Variants in PTPRR observed in about 807,000 individuals in gnomAD.
PTPRR encodes receptor-type tyrosine-protein phosphatase R.
A neutral mutation model predicts 77.2 loss-of-function variants in PTPRR; 38 were observed. The observed-to-expected ratio is 0.49, with a 90% CI of 0.38 to 0.65. The LOEUF (loss-of-function observed/expected upper bound fraction) is 0.65, where lower values mean the gene tolerates loss of function less well. Ranked by LOEUF, PTPRR falls within the 30% of genes least tolerant of loss-of-function variation. The probability of loss-of-function intolerance (pLI) is 0.00; values close to 1 mark genes in which losing one functional copy is unlikely to be tolerated. For synonymous variants in PTPRR, 299 were observed against 283.1 expected, an observed-to-expected ratio of 1.06 and a Z score of -0.57; for missense variants, 744 against 799.2, an observed-to-expected ratio of 0.93 and a Z score of 0.83.
chr12:70,639,323 C>G (rs768970323), intron 13 of PTPRR, 46 bp from the exon 14 acceptor site: 3 of 1,587,548 alleles, frequency 1.9e-6, no homozygotes, highest in Non-Finnish European at 2.6e-6. Flanking sequence ...TAAAATCTTG[C>G]AATTTCAAGT....
At chr12:70,766,943 A>T (rs1042978708) in intron 2 of PTPRR, among the ~76,000 whole-genome samples, 3 of 152,254 alleles carry the variant, frequency 2.0e-5, no homozygotes, top group African/African-American at 7.2e-5. Flanking sequence ...GAAATAAAAT[A>T]CTTTACAGAC....
chr12:70,882,345 G>A (rs1893163540), intron 2 of PTPRR, among the ~76,000 whole-genome samples: 1 of 152,050 alleles, frequency 6.6e-6, no homozygotes, highest in Non-Finnish European at 1.5e-5. Flanking sequence ...AGGAGTGATG[G>A]TCAGAATCTG....
intron 1 of PTPRR, among the ~76,000 whole-genome samples, chr12:70,894,302 T>C (rs1421681162): frequency 6.6e-6 from 1 of 151,840 alleles, no homozygotes; most frequent in Non-Finnish European, 1.5e-5. Flanking sequence ...AGAATTATCA[T>C]GGCAGATCTA....
intron 2 of PTPRR, among the ~76,000 whole-genome samples, chr12:70,866,240 C>A (rs1892843467): frequency 6.6e-6 from 1 of 152,062 alleles, no homozygotes; most frequent in Non-Finnish European, 1.5e-5. Flanking sequence ...ATTAATGAAT[C>A]CAGGAGGTGG....
chr12:70,698,705 C>T (rs1374274066), intron 7 of PTPRR, among the ~76,000 whole-genome samples: 1 of 152,060 alleles, frequency 6.6e-6, no homozygotes, highest in African/African-American at 2.4e-5. Flanking sequence ...AAATATATTC[C>T]AGTTTTTACA....
At chr12:70,884,177 T>C (rs1893196569) in intron 2 of PTPRR, among the ~76,000 whole-genome samples, 1 of 152,226 alleles carries the variant, frequency 6.6e-6, no homozygotes, top group Admixed American at 6.5e-5. Context: ...ACGTTGCTTC[T>C]ACCACCTGAG....
intron 2 of PTPRR, among the ~76,000 whole-genome samples, chr12:70,877,249 T>C (rs1158208657): frequency 6.6e-6 from 1 of 152,108 alleles, no homozygotes; most frequent in Non-Finnish European, 1.5e-5. Flanking sequence ...TAAACTGAAG[T>C]GTGAAGGGTA....
intron 13 of PTPRR, among the ~76,000 whole-genome samples, chr12:70,642,179 T>G (rs1867007): frequency 0.085 from 12,884 of 152,122 alleles, 811 homozygotes; most frequent in Admixed American, 0.16. Context: ...GGTGCCTGGT[T>G]CTCGGTAGTA....
intron 1 of PTPRR, among the ~76,000 whole-genome samples, chr12:70,897,800 G>A (rs1309355570): frequency 3.3e-5 from 5 of 151,740 alleles, no homozygotes; most frequent in Admixed American, 6.6e-5. Flanking sequence ...TGTGGCACAT[G>A]TACACCATGG....
At chr12:70,740,161 A>G (rs1038156996) in intron 6 of PTPRR, among the ~76,000 whole-genome samples, 9 of 152,274 alleles carry the variant, frequency 5.9e-5, no homozygotes, top group Non-Finnish European at 1.2e-4. Flanking sequence ...ATAAAATAAT[A>G]TATATGAAAC....
intron 2 of PTPRR, among the ~76,000 whole-genome samples, chr12:70,831,470 T>C (rs1459951421): frequency 6.6e-6 from 1 of 152,080 alleles, no homozygotes; most frequent in Non-Finnish European, 1.5e-5. Flanking sequence ...GTAAGAAAAT[T>C]GAAAGGTGAT....
chr12:70,793,822 T>C (rs1325157603), intron 2 of PTPRR, among the ~76,000 whole-genome samples: 1 of 152,210 alleles, frequency 6.6e-6, no homozygotes, highest in African/African-American at 2.4e-5. Flanking sequence ...CAGTTAATAA[T>C]GTAAAAAATA....
chr12:70,725,979 A>G (rs967001923), intron 6 of PTPRR, among the ~76,000 whole-genome samples: 2 of 152,084 alleles, frequency 1.3e-5, no homozygotes, highest in African/African-American at 2.4e-5. Flanking sequence ...CATTGTCAAT[A>G]CTATTGCTTA....
At chr12:70,772,130 T>C (rs1890991780) in intron 2 of PTPRR, among the ~76,000 whole-genome samples, 1 of 152,210 alleles carries the variant, frequency 6.6e-6, no homozygotes, top group Admixed American at 6.5e-5. Flanking sequence ...GCATCATTAA[T>C]CATTTGAGAG....
At position 70,721,959 on chromosome 12, in the gene PTPRR, C is replaced by A. The variant is rs569676483; in HGVS notation, c.1008-20636G>T. Among the ~76,000 whole-genome samples the A allele has an allele frequency of 1.4e-4, 22 of 152,144 alleles. No individual in the cohort carries two copies. The East Asian group carries it at 4.3e-3, about 29-fold the overall frequency. ...AAATTGACCCCAATTTAAAATGTATCCAAATTTTGGCATGGGAAGTATTGT... is the reference window on the plus strand; with the variant it reads ...AAATTGACCCCAATTTAAAATGTATACAAATTTTGGCATGGGAAGTATTGT... On this transcript the variant is annotated intron_variant, in intron 6 of 13. Coordinates refer to ENST00000283228, the MANE Select transcript of PTPRR (RefSeq NM_002849.4).
intron 6 of PTPRR, among the ~76,000 whole-genome samples, chr12:70,731,759 C>A (rs1889670987): frequency 6.6e-6 from 1 of 152,178 alleles, no homozygotes; most frequent in South Asian, 2.1e-4. Flanking sequence ...AAGGCTAACT[C>A]TGTATCATTC....
chr12:70,894,858 A>C (rs3924187), intron 1 of PTPRR, among the ~76,000 whole-genome samples: 21,936 of 151,670 alleles, frequency 0.14, 1,760 homozygotes, highest in Admixed American at 0.21. Context: ...TTGGCAAACT[A>C]TGGGTGGCTT....
intron 2 of PTPRR, among the ~76,000 whole-genome samples, chr12:70,833,783 T>A (rs1892255988): frequency 6.6e-6 from 1 of 152,138 alleles, no homozygotes; most frequent in Non-Finnish European, 1.5e-5. Flanking sequence ...ACATCTGTAA[T>A]AGTCCCTGAA....
chr12:70,900,086 G>A (rs1893505212), intron 1 of PTPRR, among the ~76,000 whole-genome samples: 1 of 151,358 alleles, frequency 6.6e-6, no homozygotes, highest in South Asian at 2.1e-4. Context: ...TCTACATAAT[G>A]AAGATGTCAA....
Sources: allele counts gnomAD v4.1 joint callset (sites outside exome capture counted in the v4.1 genomes callset), GRCh38; gene constraint gnomAD v4.1.1; transcripts MANE v1.5; gene names NCBI Gene and HGNC (gene_info 2026-07-23, HGNC 2026-07-21).